ARHGAP18: variants seen among roughly 807,000 people sequenced by gnomAD.
ARHGAP18 encodes the protein Rho GTPase activating protein 18.
ARHGAP18 carries 67 observed loss-of-function variants against 86.2 expected under a neutral mutation model. The ratio of observed to expected loss-of-function variants is 0.78; its 90% CI spans 0.64 to 0.95. ARHGAP18 has a LOEUF of 0.95. Among genes scored for constraint, ARHGAP18 ranks in the 40% least tolerant of loss-of-function variants. The probability of loss-of-function intolerance (pLI) is 0.00; values close to 1 mark genes in which losing one functional copy is unlikely to be tolerated. For synonymous variants in ARHGAP18, 283 were observed against 280.4 expected, an observed-to-expected ratio of 1.01 and a Z score of -0.09; for missense variants, 691 against 780.4, an observed-to-expected ratio of 0.89 and a Z score of 1.37.
intron 5 of ARHGAP18, among the ~76,000 whole-genome samples, chr6:129,620,795 G>A (rs1056440649): frequency 6.6e-6 from 1 of 152,072 alleles, no homozygotes; most frequent in African/African-American, 2.4e-5. Context: ...GACCATTGGG[G>A]GTATCCAATA....
At chr6:129,659,260 TCTC>T (rs1773901158) in intron 1 of ARHGAP18, among the ~76,000 whole-genome samples, 1 of 152,186 alleles carries the variant, frequency 6.6e-6, no homozygotes. Flanking sequence ...GTAGGCAGGT[TCTC>T]CTCGTAGAGC....
chr6:129,653,419 A>T (rs1178946427), intron 1 of ARHGAP18, among the ~76,000 whole-genome samples: 1 of 152,224 alleles, frequency 6.6e-6, no homozygotes, highest in Non-Finnish European at 1.5e-5. Context: ...AACTTCAAAC[A>T]TTACAATGCT....
rs980622527 is a variant in ARHGAP18 at position 129,603,934 on chromosome 6, C to T, written c.1365+1943G>A. Reference sequence around the variant, plus strand: ...GCACATGATTCTGTCCTTCAGATGACAACTGAAGGCGTGCTGCTAGCACTG... The same window carrying T: ...GCACATGATTCTGTCCTTCAGATGATAACTGAAGGCGTGCTGCTAGCACTG... On this transcript the variant is annotated intron_variant, in intron 10 of 14. Transcript: ENST00000368149. Among the ~76,000 whole-genome samples the T allele has an allele frequency of 8.5e-5, 13 of 152,218 alleles. 1 individual carries two copies. The East Asian group carries it at 1.5e-3, about 18-fold the overall frequency.
chr6:129,591,274 C>A (rs1486810668), intron 12 of ARHGAP18, among the ~76,000 whole-genome samples: 1 of 152,158 alleles, frequency 6.6e-6, no homozygotes, highest in Non-Finnish European at 1.5e-5. Flanking sequence ...ACAGTATGAT[C>A]TTTATAACCC....
Position 129,642,000 on chromosome 6 carries a change from G to A in ARHGAP18, c.132C>T (p.Tyr44=). The change falls in exon 2 of 15, where the codon TAC becomes TAT. Residue 44 remains tyrosine (Y), a synonymous_variant. Transcript: ENST00000368149. ...EATSSRRYGQ[Y]TMNQESTTIK... ...TGGTGGTGCTTTCCTGGTTCATAGTGTACTGGCCATATCTGCGACTGTAAA... is the reference window on the plus strand; with the variant it reads ...TGGTGGTGCTTTCCTGGTTCATAGTATACTGGCCATATCTGCGACTGTAAA... 3 of 1,613,876 alleles carry A rather than the reference G, an allele frequency of 1.9e-6. No individual in the cohort carries two copies. In the South Asian group the frequency reaches 3.3e-5, roughly 18 times the overall value.
At chr6:129,627,588 T>C (rs184582141) in intron 5 of ARHGAP18, among the ~76,000 whole-genome samples, 15 of 151,810 alleles carry the variant, frequency 9.9e-5, no homozygotes, top group Admixed American at 2.6e-4. Context: ...ATAACCACGT[T>C]TCTTTAATAA....
intron 1 of ARHGAP18, among the ~76,000 whole-genome samples, chr6:129,686,006 G>C (rs990079933): frequency 1.3e-5 from 2 of 152,292 alleles, no homozygotes; most frequent in East Asian, 3.9e-4. Context: ...CCGGGGGCGG[G>C]CGGAGGGGCA....
chr6:129,683,444 CT>C (rs1022310019), intron 1 of ARHGAP18, among the ~76,000 whole-genome samples: 2 of 152,094 alleles, frequency 1.3e-5, no homozygotes, highest in Non-Finnish European at 2.9e-5. Flanking sequence ...CAAGTACGGG[CT>C]TTTTTTCCCG....
chr6:129,692,976 A>T (rs771938523), intron 1 of ARHGAP18, among the ~76,000 whole-genome samples: 1 of 152,370 alleles, frequency 6.6e-6, no homozygotes, highest in Non-Finnish European at 1.5e-5. Context: ...TAATTTAATC[A>T]AAGGCACTTT....
intron 12 of ARHGAP18, among the ~76,000 whole-genome samples, chr6:129,594,000 A>T (rs1235536968): frequency 6.6e-6 from 1 of 152,132 alleles, no homozygotes; most frequent in Non-Finnish European, 1.5e-5. Flanking sequence ...TTTTTTTAAC[A>T]GGGGTGTCAC....
Position 129,607,979 on chromosome 6 carries a change from G to T in ARHGAP18, c.1196C>A (p.Ala399Asp). ...FNWESVKQHD[A>D]ASLLKLFIRE... ...AATGAAGAGCTTCAGCAGGCTGGCGGCATCATGCTGTTTGACACTTTCCCA... is the reference window on the plus strand; with the variant it reads ...AATGAAGAGCTTCAGCAGGCTGGCGTCATCATGCTGTTTGACACTTTCCCA... Residue 399 changes from alanine (A) to aspartate (D), a missense_variant, in exon 9 of 15, where the codon GCC becomes GAC. Coordinates refer to ENST00000368149, the MANE Select transcript of ARHGAP18 (RefSeq NM_033515.3). The T allele has an allele frequency of 6.2e-7, 1 of 1,611,102 alleles. No individual in the cohort carries two copies. The highest frequency in any genetic ancestry group is 8.5e-7 in the Non-Finnish European group (1 of 1,178,932).
intron 5 of ARHGAP18, among the ~76,000 whole-genome samples, chr6:129,624,981 A>C (rs191702849): frequency 9.0e-4 from 105 of 116,828 alleles, no homozygotes; most frequent in African/African-American, 2.9e-3. Context: ...ATTTATATAT[A>C]ATATATATTA....
chr6:129,695,990 AAG>A (rs932909332), intron 1 of ARHGAP18, among the ~76,000 whole-genome samples: 2 of 152,200 alleles, frequency 1.3e-5, no homozygotes, highest in African/African-American at 4.8e-5. Flanking sequence ...CTAAAAAAGA[AAG>A]AAAGGAAATC....
At chr6:129,599,772 G>A (rs901948093) in intron 11 of ARHGAP18, among the ~76,000 whole-genome samples, 9 of 152,106 alleles carry the variant, frequency 5.9e-5, no homozygotes, top group African/African-American at 1.9e-4. Context: ...AGCCGCTGCT[G>A]TCATGAGAGA....
At chr6:129,619,741 G>A in intron 5 of ARHGAP18, among the ~76,000 whole-genome samples, 1 of 151,326 alleles carries the variant, frequency 6.6e-6, no homozygotes, top group East Asian at 2.0e-4. Context: ...AACATGCCAG[G>A]TACCCTTCAC....
chr6:129,690,096 A>T (rs1349770620), intron 1 of ARHGAP18, among the ~76,000 whole-genome samples: 1 of 151,994 alleles, frequency 6.6e-6, no homozygotes, highest in Non-Finnish European at 1.5e-5. Context: ...TCATTACAAA[A>T]TCAACATAAA....
intron 1 of ARHGAP18, among the ~76,000 whole-genome samples, chr6:129,706,217 C>T (rs965611090): frequency 1.1e-4 from 17 of 152,064 alleles, no homozygotes; most frequent in Admixed American, 4.6e-4. Context: ...CAATATTCTT[C>T]GAAAAAATTC....
intron 13 of ARHGAP18, among the ~76,000 whole-genome samples, chr6:129,582,190 T>C (rs1328195560): frequency 4.6e-5 from 7 of 151,760 alleles, no homozygotes; most frequent in Non-Finnish European, 8.8e-5. Flanking sequence ...CAAATGCTTA[T>C]TTAATACAAA....
At chr6:129,690,038 G>A (rs1373154594) in intron 1 of ARHGAP18, among the ~76,000 whole-genome samples, 1 of 152,038 alleles carries the variant, frequency 6.6e-6, no homozygotes, top group Non-Finnish European at 1.5e-5. Flanking sequence ...ATGTTAATAA[G>A]CAGACATATA....
Sources: allele counts gnomAD v4.1 joint callset (sites outside exome capture counted in the v4.1 genomes callset), GRCh38; gene constraint gnomAD v4.1.1; transcripts MANE v1.5; gene names NCBI Gene and HGNC (gene_info 2026-07-23, HGNC 2026-07-21).